Variants in MKNK1 observed in about 807,000 individuals in gnomAD.
The protein encoded by MKNK1 is MAP kinase-interacting serine/threonine-protein kinase 1.
A neutral mutation model predicts 49.3 loss-of-function variants in MKNK1; 30 were observed. That is an observed-to-expected ratio of 0.61 (90% CI 0.46 to 0.83). The LOEUF (loss-of-function observed/expected upper bound fraction) is 0.83, where lower values mean the gene tolerates loss of function less well. MKNK1 is among the 40% of genes least tolerant of loss of function. The probability of loss-of-function intolerance (pLI) is 0.00; values close to 1 mark genes in which losing one functional copy is unlikely to be tolerated. For synonymous variants in MKNK1, 176 were observed against 201.7 expected (o/e 0.87, Z 1.08); for missense variants, 423 against 524.7 (o/e 0.81, Z 1.89).
chr1:46,579,860 A>G (rs143775520), intron 4 of MKNK1, among the ~76,000 whole-genome samples: 287 of 151,106 alleles, frequency 1.9e-3, no homozygotes, highest in African/African-American at 6.9e-3. Flanking sequence ...CTGAGTGCTC[A>G]GTCGCTTTAG....
intron 1 of MKNK1, among the ~76,000 whole-genome samples, chr1:46,600,269 A>T (rs1017005387): frequency 6.6e-6 from 1 of 152,210 alleles, no homozygotes; most frequent in East Asian, 1.9e-4. Context: ...TGAGAAGACA[A>T]TTATTTATAG....
chr1:46,575,792 A>G (rs1670868039), intron 5 of MKNK1: 1 of 152,256 alleles, frequency 6.6e-6, no homozygotes, highest in Non-Finnish European at 1.5e-5. Flanking sequence ...CATAAAAAAA[A>G]TGCTGACTAC....
chr1:46,602,268 C>T (rs1207432653), intron 1 of MKNK1, among the ~76,000 whole-genome samples: 2 of 152,160 alleles, frequency 1.3e-5, no homozygotes, highest in Non-Finnish European at 2.9e-5. Flanking sequence ...AAAAATTAGC[C>T]GGGTGTGGTG....
intron 6 of MKNK1, chr1:46,574,661 T>G: frequency 2.9e-6 from 1 of 343,246 alleles, no homozygotes; most frequent in Non-Finnish European, 5.3e-6. Context: ...ACAGTGAACA[T>G]GTCAAAACGG....
At chr1:46,567,038 C>T (rs1444376522) in intron 8 of MKNK1, among the ~76,000 whole-genome samples, 12 of 152,098 alleles carry the variant, frequency 7.9e-5, no homozygotes. Context: ...AAACTCCAGG[C>T]TCAAGCAATT....
At chr1:46,602,854 T>G (rs1258018) in intron 1 of MKNK1, among the ~76,000 whole-genome samples, 1 of 152,190 alleles carries the variant, frequency 6.6e-6, no homozygotes, top group Admixed American at 6.5e-5. Context: ...CAAAAGGAAC[T>G]AAGTAATTCA....
intron 9 of MKNK1, chr1:46,563,388 CTGTT>C (rs1668394287): frequency 1.3e-5 from 2 of 152,566 alleles, no homozygotes; most frequent in African/African-American, 4.8e-5. Flanking sequence ...GGACAGGGAT[CTGTT>C]TGAGCACATC....
rs1557848509 is a variant in MKNK1 at position 46,572,129 on chromosome 1, T to TGAA, written c.388_390dup (p.Phe130dup). 6.2e-7 allele frequency: 1 copy of TGAA among 1,614,180 alleles called. No individual in the cohort carries two copies. Among genetic ancestry groups the TGAA allele is most frequent in the South Asian group, 1.1e-5 (1 of 91,086 alleles). On this transcript the variant is annotated inframe_insertion, in exon 7 of 13. Transcript: ENST00000371945. ...ACCACTCGGCTGGCTTCTCGCTCAT[T>TGAA]GAAGTGCTTTTGCTTCTGGATGTGG...
rs1337329940 is a variant in MKNK1 at position 46,572,087 on chromosome 1, C to T, written c.433G>A (p.Ala145Thr). The T allele has an allele frequency of 1.2e-6, 2 of 1,614,028 alleles. No individual in the cohort carries two copies. Among genetic ancestry groups the T allele is most frequent in the Admixed American group, 1.7e-5 (1 of 60,004 alleles). ...CCTTTGGTATGCAGGAAGTCAAGGG[C>T]AGCAGCAACGTCCCGCACCACTCGG... Reference protein sequence around the residue: ...ASRVVRDVAAALDFLHTKGIA... With the variant: ...ASRVVRDVAATLDFLHTKGIA... Residue 145 changes from alanine (A) to threonine (T), a missense_variant, in exon 7 of 13, where the codon GCC becomes ACC. By Grantham distance (58) the Ala-to-Thr change is moderately conservative. Transcript: ENST00000371945.
At chr1:46,582,771 C>T (rs931601150) in intron 3 of MKNK1, 6 of 427,640 alleles carry the variant, frequency 1.4e-5, no homozygotes, top group African/African-American at 8.2e-5. Context: ...CAAACACACA[C>T]AGCATAAGTA....
chr1:46,576,203 TCTC>T (rs1291987252), intron 5 of MKNK1: 3 of 230,944 alleles, frequency 1.3e-5, no homozygotes, highest in South Asian at 5.7e-5. Flanking sequence ...TCTTAACAGT[TCTC>T]CTCATCTTGG....
At chr1:46,568,362 C>G in intron 8 of MKNK1, 81 bp downstream of exon 8, 1 of 1,371,248 alleles carries the variant, frequency 7.3e-7, no homozygotes, top group African/African-American at 1.4e-5. Context: ...GCCAACGGAA[C>G]TGCTAACAAT....
chr1:46,593,373 A>C (rs891412251), intron 2 of MKNK1: 1 of 152,078 alleles, frequency 6.6e-6, no homozygotes, highest in African/African-American at 2.4e-5. Flanking sequence ...CAGTTTTTAA[A>C]TTCTTTGTAG....
At chr1:46,603,953 G>A (rs61783137) in intron 1 of MKNK1, among the ~76,000 whole-genome samples, 34 of 152,194 alleles carry the variant, frequency 2.2e-4, no homozygotes, top group Non-Finnish European at 2.9e-5. Context: ...ACGGGCCACA[G>A]AGTAAGCGCC....
intron 3 of MKNK1, among the ~76,000 whole-genome samples, 180 bp from the exon 4 acceptor site, chr1:46,580,807 C>T (rs1310031698): frequency 2.1e-5 from 3 of 143,808 alleles, no homozygotes; most frequent in Admixed American, 7.0e-5. Context: ...AGTTTCTCAA[C>T]AACAAGACCA....
intron 2 of MKNK1, among the ~76,000 whole-genome samples, chr1:46,590,617 A>G (rs1175387476): frequency 2.6e-5 from 4 of 152,250 alleles, no homozygotes; most frequent in African/African-American, 9.6e-5. Flanking sequence ...GCTTTTAACC[A>G]TTACACTGTA....
rs80040611 is a variant in MKNK1, at chr1:46,564,350, G to A, written c.609+691C>T. 0.011 allele frequency among the ~76,000 whole-genome samples: 1,695 copies of A among 152,098 alleles called. 45 individuals are homozygous for A. In the East Asian group the frequency reaches 0.13, roughly 12 times the overall value. Reference sequence around the variant, plus strand: ...AGGGGGCTGCGCTGTGCCTTCAGCAGTGGGAATAGGACTTACAGAACTACC... The same window carrying A: ...AGGGGGCTGCGCTGTGCCTTCAGCAATGGGAATAGGACTTACAGAACTACC... On this transcript the variant is annotated intron_variant, in intron 9 of 12. Coordinates refer to ENST00000371945, the MANE Select transcript of MKNK1 (RefSeq NM_001135553.4).
rs1039897766 is a variant in MKNK1, at chr1:46,600,220, C to G, written c.-171+3965G>C. On this transcript the variant is annotated intron_variant, in intron 1 of 12. Coordinates refer to ENST00000371945, the MANE Select transcript of MKNK1 (RefSeq NM_001135553.4). Reference sequence around the variant, plus strand: ...CAGTCTGATTTCAGTTATTTATGTACTTATCTATCTTCCCAACTACACTGG... The same window carrying G: ...CAGTCTGATTTCAGTTATTTATGTAGTTATCTATCTTCCCAACTACACTGG... Among the ~76,000 whole-genome samples the G allele has an allele frequency of 9.9e-5, 15 of 152,166 alleles. No homozygotes were observed. In the South Asian group the frequency reaches 2.9e-3, roughly 29 times the overall value.
chr1:46,569,531 T>G (rs1203593925), intron 7 of MKNK1: 1 of 152,226 alleles, frequency 6.6e-6, no homozygotes, highest in Non-Finnish European at 1.5e-5. Context: ...CGGCAGCGGA[T>G]TCTCGGGGTG....
Sources: allele counts gnomAD v4.1 joint callset (sites outside exome capture counted in the v4.1 genomes callset), GRCh38; gene constraint gnomAD v4.1.1; transcripts MANE v1.5; gene names NCBI Gene and HGNC (gene_info 2026-07-23, HGNC 2026-07-21).